DCDC1: variants seen among roughly 807,000 people sequenced by gnomAD.
The protein encoded by DCDC1 is doublecortin domain containing 1.
In DCDC1, 200 loss-of-function variants were observed where a neutral mutation model predicts 178.3. The observed-to-expected ratio is 1.12, with a 90% CI of 1.00 to 1.26. DCDC1 has a LOEUF of 1.26. Ranked by LOEUF, DCDC1 falls within the 50% of genes most tolerant of loss-of-function variation. The pLI is 0.00. For missense variants in DCDC1, 1,983 were observed against 1,749.2 expected, an observed-to-expected ratio of 1.13 and a Z score of -2.38; for synonymous variants, 690 against 604.8, an observed-to-expected ratio of 1.14 and a Z score of -2.07.
intron 6 of DCDC1, among the ~76,000 whole-genome samples, chr11:31,293,446 AG>A (rs956521253): frequency 6.6e-6 from 1 of 152,176 alleles, no homozygotes; most frequent in Non-Finnish European, 1.5e-5. Context: ...GGGTTTTCCA[AG>A]GCCAGGACTA....
At chr11:31,027,742 G>A (rs1953335016) in intron 20 of DCDC1, among the ~76,000 whole-genome samples, 1 of 151,804 alleles carries the variant, frequency 6.6e-6, no homozygotes. Flanking sequence ...AAAACTTCTT[G>A]TAGATGGTAG....
chr11:31,347,318 C>T (rs1194071013), intron 1 of DCDC1, among the ~76,000 whole-genome samples: 3 of 152,152 alleles, frequency 2.0e-5, no homozygotes, highest in African/African-American at 7.2e-5. Context: ...ATTTAACACT[C>T]CTTTCGTAGC....
At chr11:30,961,591 A>G (rs76960740) in intron 20 of DCDC1, among the ~76,000 whole-genome samples, 2,706 of 152,118 alleles carry the variant, frequency 0.018, 82 homozygotes, top group African/African-American at 0.062. Context: ...CAACAAGATA[A>G]TAGCACTTAG....
chr11:30,904,781 C>T, intron 31 of DCDC1, 180 bp downstream of exon 31: 1 of 692,784 alleles, frequency 1.4e-6, no homozygotes, highest in Non-Finnish European at 2.4e-6. Flanking sequence ...AGTCTGTATC[C>T]ACTGACATAC....
At chr11:31,095,872 C>G (rs2135699593) in intron 15 of DCDC1, among the ~76,000 whole-genome samples, 1 of 152,222 alleles carries the variant, frequency 6.6e-6, no homozygotes, top group African/African-American at 2.4e-5. Context: ...TTTTTTAGTA[C>G]CAATATTTAT....
intron 20 of DCDC1, among the ~76,000 whole-genome samples, chr11:31,004,255 C>T (rs772392329): frequency 1.1e-4 from 17 of 151,996 alleles, no homozygotes; most frequent in Non-Finnish European, 1.9e-4. Context: ...AGTGTACAAA[C>T]ACTTTTCAAT....
At chr11:31,338,462 T>C (rs1285955191) in intron 1 of DCDC1, among the ~76,000 whole-genome samples, 1 of 152,224 alleles carries the variant, frequency 6.6e-6, no homozygotes, top group African/African-American at 2.4e-5. Flanking sequence ...GGTTATGTTC[T>C]ATCTACAGGA....
chr11:31,366,690 C>CA (rs1366201412), intron 1 of DCDC1, among the ~76,000 whole-genome samples: 2 of 152,104 alleles, frequency 1.3e-5, no homozygotes, highest in South Asian at 2.1e-4. Context: ...GCTTACCACC[C>CA]AAAAAGTCAA....
intron 1 of DCDC1, among the ~76,000 whole-genome samples, chr11:31,359,501 G>C (rs576851918): frequency 1.1e-4 from 16 of 151,960 alleles, no homozygotes; most frequent in African/African-American, 3.4e-4. Context: ...GAGTTAGTGG[G>C]TGCAGCGCAC....
intron 35 of DCDC1, among the ~76,000 whole-genome samples, chr11:30,893,970 A>G (rs1943997485): frequency 6.6e-6 from 1 of 152,146 alleles, no homozygotes; most frequent in African/African-American, 2.4e-5. Flanking sequence ...CAATTATTAC[A>G]ATTACCTTTG....
At chr11:31,327,234 T>C (rs1949697402) in intron 3 of DCDC1, among the ~76,000 whole-genome samples, 1 of 152,150 alleles carries the variant, frequency 6.6e-6, no homozygotes, top group African/African-American at 2.4e-5. Flanking sequence ...AATGGCGCGA[T>C]CTTGGCTCAC....
intron 20 of DCDC1, among the ~76,000 whole-genome samples, chr11:30,955,900 A>T (rs943616977): frequency 1.3e-5 from 2 of 152,236 alleles, no homozygotes; most frequent in African/African-American, 4.8e-5. Flanking sequence ...TGAAGAGTTG[A>T]TCAGTGGTTG....
At chr11:31,343,692 G>A (rs1331534957) in intron 1 of DCDC1, among the ~76,000 whole-genome samples, 2 of 152,106 alleles carry the variant, frequency 1.3e-5, no homozygotes, top group Non-Finnish European at 2.9e-5. Flanking sequence ...GCCGAGATGG[G>A]TAGACCACTT....
At chr11:30,872,317 T>C (rs1941658885) in intron 38 of DCDC1, among the ~76,000 whole-genome samples, 1 of 152,086 alleles carries the variant, frequency 6.6e-6, no homozygotes, top group Non-Finnish European at 1.5e-5. Flanking sequence ...ATACAGCTAG[T>C]CTGAATTGAG....
At chr11:30,886,835 T>C (rs1185044214) in intron 36 of DCDC1, among the ~76,000 whole-genome samples, 1 of 152,052 alleles carries the variant, frequency 6.6e-6, no homozygotes, top group East Asian at 1.9e-4. Context: ...AGGAGCTATA[T>C]AGAGATAGGC....
intron 9 of DCDC1, among the ~76,000 whole-genome samples, chr11:31,148,392 CA>C (rs1308757381): frequency 2.0e-5 from 3 of 151,596 alleles, no homozygotes; most frequent in Non-Finnish European, 4.4e-5. Context: ...ACCAAAAATA[CA>C]AAAAACTAGC....
chr11:31,132,433 A>AT (rs574550849), intron 10 of DCDC1, among the ~76,000 whole-genome samples: 34 of 152,120 alleles, frequency 2.2e-4, no homozygotes, highest in South Asian at 1.7e-3. Context: ...ACATAATATG[A>AT]TTTTTTTTCC....
intron 9 of DCDC1, among the ~76,000 whole-genome samples, chr11:31,221,089 A>G (rs1045261517): frequency 1.3e-5 from 2 of 152,232 alleles, no homozygotes; most frequent in African/African-American, 4.8e-5. Context: ...CACAAAGTCC[A>G]TAATATTCCA....
chr11:31,363,892 T>G (rs532830330), intron 1 of DCDC1, among the ~76,000 whole-genome samples: 1 of 152,332 alleles, frequency 6.6e-6, no homozygotes, highest in Admixed American at 6.5e-5. Flanking sequence ...AACAATTTTT[T>G]GACTTTACAT....
Sources: gnomAD v4.1 joint callset for allele counts (sites outside exome capture counted in the v4.1 genomes callset) on GRCh38, gnomAD v4.1.1 for gene constraint, MANE v1.5 for transcripts, NCBI Gene and HGNC (gene_info 2026-07-23, HGNC 2026-07-21) for gene names.